The following RBPMS2 variants were observed in gnomAD, a reference collection of about 807,000 sequenced individuals.
RBPMS2 encodes RNA binding protein, mRNA processing factor 2, also known as RNA-binding protein with multiple splicing 2.
RBPMS2 carries 14 observed loss-of-function variants against 25.7 expected under a neutral mutation model. That is an observed-to-expected ratio of 0.55 (90% CI 0.36 to 0.85). The LOEUF (loss-of-function observed/expected upper bound fraction) is 0.85. Among genes scored for constraint, RBPMS2 ranks in the 40% least tolerant of loss-of-function variants. The pLI is 0.01. For missense variants in RBPMS2, 252 were observed against 283.4 expected (o/e 0.89, Z 0.80); for synonymous variants, 127 against 115.6 (o/e 1.10, Z -0.63).
intron 1 of RBPMS2, among the ~76,000 whole-genome samples, chr15:64,773,862 G>A (rs1313215907): frequency 6.6e-6 from 1 of 152,338 alleles, no homozygotes; most frequent in South Asian, 2.1e-4. Flanking sequence ...CAGGATGGGG[G>A]CAAGATCCCC....
intron 6 of RBPMS2, 79 bp downstream of exon 6, chr15:64,748,340 G>A: frequency 2.1e-6 from 3 of 1,451,422 alleles, no homozygotes; most frequent in African/African-American, 1.4e-5. Flanking sequence ...GACAGCAGCG[G>A]CCAAGTGGCC....
intron 1 of RBPMS2, among the ~76,000 whole-genome samples, chr15:64,765,565 C>T (rs867721676): frequency 6.0e-5 from 9 of 150,310 alleles, no homozygotes; most frequent in Admixed American, 4.0e-4. Context: ...GGCAACAAAA[C>T]GAGATCCTGT....
At position 64,775,560 on chromosome 15, in the gene RBPMS2, C is replaced by A; in HGVS notation, c.-241G>T. 1 of 200,224 alleles carries A rather than the reference C, an allele frequency of 5.0e-6. No individual in the cohort carries two copies. Among genetic ancestry groups the A allele is most frequent in the South Asian group, 2.1e-4 (1 of 4,866 alleles). The allele number at this position is 200,224 out of a possible 1,614,324, so 12.4% of individuals were successfully genotyped here. Reference sequence around the variant, plus strand: ...CAGTGGGAGCCGGAGGGGCCGCCGCCTCCGCCTTTTCACTGCGACCGGCGA... The same window carrying A: ...CAGTGGGAGCCGGAGGGGCCGCCGCATCCGCCTTTTCACTGCGACCGGCGA... On this transcript the variant is annotated 5_prime_UTR_variant, in exon 1 of 8. It adds an upstream start codon to the 5' untranslated region. Coordinates refer to ENST00000300069, the MANE Select transcript of RBPMS2 (RefSeq NM_194272.3).
chr15:64,764,698 G>A (rs368587084), intron 1 of RBPMS2, among the ~76,000 whole-genome samples: 2 of 151,898 alleles, frequency 1.3e-5, no homozygotes, highest in African/African-American at 2.4e-5. Context: ...GGCGGATCAC[G>A]AAGTCAGGAG....
Position 64,749,455 on chromosome 15 carries a change from T to A in RBPMS2, c.243A>T (p.Ala81=). ...CGTTCAGCGCATTCTTGGCCGCTTCTGCTCCTGCACGGCTGTCAAAGATCA... is the reference window on the plus strand; with the variant it reads ...CGTTCAGCGCATTCTTGGCCGCTTCAGCTCCTGCACGGCTGTCAAAGATCA... The part of the protein sequence containing the change: ...GFVIFDSRAG[A]EAAKNALNGI... The change falls in exon 4 of 8, where the codon GCA becomes GCT. Residue 81 remains alanine (A), a synonymous_variant. Transcript: ENST00000300069. 1 of 1,613,704 alleles carries A rather than the reference T, an allele frequency of 6.2e-7. No individual in the cohort carries two copies. Among genetic ancestry groups the A allele is most frequent in the Non-Finnish European group, 8.5e-7 (1 of 1,179,952 alleles).
intron 1 of RBPMS2, 22 bp downstream of exon 1, chr15:64,775,211 A>G: frequency 8.3e-7 from 1 of 1,202,852 alleles, no homozygotes; most frequent in Non-Finnish European, 1.0e-6. Flanking sequence ...TCACCCGGCA[A>G]GTCCCGGGGC....
At chr15:64,755,595 C>A (rs943607537) in intron 1 of RBPMS2, among the ~76,000 whole-genome samples, 1 of 152,112 alleles carries the variant, frequency 6.6e-6, no homozygotes, top group Non-Finnish European at 1.5e-5. Context: ...TTTGTGAGGG[C>A]AGGGGGAGCG....
At chr15:64,770,854 A>G (rs1465709340) in intron 1 of RBPMS2, among the ~76,000 whole-genome samples, 6 of 151,428 alleles carry the variant, frequency 4.0e-5, no homozygotes, top group Non-Finnish European at 7.4e-5. Context: ...GGCTGACCTC[A>G]AGCCACCCAG....
Position 64,740,340 on chromosome 15 carries a change from T to G in RBPMS2, c.*668A>C, listed in dbSNP as rs931148639. On this transcript the variant is annotated 3_prime_UTR_variant, in exon 8 of 8. Coordinates refer to ENST00000300069, the MANE Select transcript of RBPMS2 (RefSeq NM_194272.3). Reference sequence around the variant, plus strand: ...GCGGGCGGGGTGCGCTGTGGAGAGGTGAACAGAACGGGCAGAGAGGGCTTT... The same window carrying G: ...GCGGGCGGGGTGCGCTGTGGAGAGGGGAACAGAACGGGCAGAGAGGGCTTT... The G allele has an allele frequency of 6.6e-6, 1 of 151,162 alleles. No homozygotes were observed. The highest frequency in any genetic ancestry group is 1.5e-5 in the Non-Finnish European group (1 of 67,674). The allele number at this position is 151,162 out of a possible 1,614,324, so 9.4% of individuals were successfully genotyped here.
chr15:64,758,585 C>A (rs950456837), intron 1 of RBPMS2, among the ~76,000 whole-genome samples: 6 of 152,250 alleles, frequency 3.9e-5, no homozygotes, highest in Non-Finnish European at 8.8e-5. Context: ...CCCACAGGAG[C>A]AGACCCAGCC....
intron 6 of RBPMS2, among the ~76,000 whole-genome samples, chr15:64,744,755 A>T (rs1230666763): frequency 9.7e-6 from 1 of 103,462 alleles, no homozygotes; most frequent in Admixed American, 9.5e-5. Flanking sequence ...ACTTACTATT[A>T]TTTATTTTAA....
intron 1 of RBPMS2, among the ~76,000 whole-genome samples, chr15:64,772,447 TATC>T: frequency 6.6e-6 from 1 of 151,804 alleles, no homozygotes. Flanking sequence ...TTTCAAAGGG[TATC>T]AAAGCTTCGA....
At position 64,751,609 on chromosome 15, in the gene RBPMS2, A is replaced by G; in HGVS notation, c.117T>C (p.Pro39=). 1 of 1,614,000 alleles carries G rather than the reference A, an allele frequency of 6.2e-7. No individual in the cohort carries two copies. Among genetic ancestry groups the G allele is most frequent in the Non-Finnish European group, 8.5e-7 (1 of 1,179,994 alleles). Residue 39 remains proline, a synonymous_variant, in exon 2 of 8, where the codon CCT becomes CCC. Transcript: ENST00000300069. The part of the protein sequence containing the change: ...EVRTLFVSGL[P]VDIKPRELYL... ...AGAGTTCTCTGGGTTTAATGTCCAC[A>G]GGGAGGCCGCTGACAAACAGTGTCC...
chr15:64,761,696 C>CA (rs2083788723), intron 1 of RBPMS2, among the ~76,000 whole-genome samples: 1 of 86,678 alleles, frequency 1.2e-5, no homozygotes, highest in African/African-American at 4.7e-5. Flanking sequence ...CAAAGCCCAG[C>CA]TTTTTTTTTT....
intron 1 of RBPMS2, among the ~76,000 whole-genome samples, chr15:64,770,178 CAAAAAAAAGAA>C (rs1567071925): frequency 1.3e-5 from 2 of 149,594 alleles, no homozygotes; most frequent in East Asian, 1.9e-4. Flanking sequence ...GACTCCGTCT[CAAAAAAAAGAA>C]AAAAAAAAGA....
intron 6 of RBPMS2, 75 bp from the exon 7 acceptor site, chr15:64,741,317 C>T (rs2083560484): frequency 1.7e-6 from 2 of 1,192,742 alleles, no homozygotes; most frequent in Middle Eastern, 1.9e-4. Context: ...CCATGGCCAT[C>T]GGTGTCCCCG....
chr15:64,764,528 G>A (rs1270195968), intron 1 of RBPMS2, among the ~76,000 whole-genome samples: 1 of 152,150 alleles, frequency 6.6e-6, no homozygotes, highest in Non-Finnish European at 1.5e-5. Context: ...AGCTGCTTCT[G>A]CAACCTGCAT....
Position 64,740,346 on chromosome 15 carries a change from G to C in RBPMS2, c.*662C>G, listed in dbSNP as rs913213833. The C allele has an allele frequency of 7.9e-5, 12 of 152,290 alleles. No homozygotes were observed. The highest frequency in any genetic ancestry group is 2.9e-4 in the African/African-American group (12 of 41,436). 9.4% of individuals were successfully genotyped at this position (152,290 alleles called of 1,614,324 possible). Reference sequence around the variant, plus strand: ...GGGGTGCGCTGTGGAGAGGTGAACAGAACGGGCAGAGAGGGCTTTCTTACG... The same window carrying C: ...GGGGTGCGCTGTGGAGAGGTGAACACAACGGGCAGAGAGGGCTTTCTTACG... On this transcript the variant is annotated 3_prime_UTR_variant, in exon 8 of 8. Coordinates refer to ENST00000300069, the MANE Select transcript of RBPMS2 (RefSeq NM_194272.3).
chr15:64,763,244 A>G (rs1465963641), intron 1 of RBPMS2, among the ~76,000 whole-genome samples: 1 of 152,124 alleles, frequency 6.6e-6, no homozygotes, highest in Non-Finnish European at 1.5e-5. Context: ...GGCTCTGAAT[A>G]AGGACACAGG....
Sources: gnomAD v4.1 joint callset for allele counts (sites outside exome capture counted in the v4.1 genomes callset) on GRCh38, gnomAD v4.1.1 for gene constraint, MANE v1.5 for transcripts, NCBI Gene and HGNC (gene_info 2026-07-23, HGNC 2026-07-21) for gene names.